The following RYR2 variants were observed in gnomAD, a reference collection of about 807,000 sequenced individuals.
The protein encoded by RYR2 is ryanodine receptor 2, also known as cardiac muscle ryanodine receptor-calcium release channel.
Under a neutral mutation model 601.1 loss-of-function variants are expected in RYR2, and 227 were observed. The ratio of observed to expected loss-of-function variants is 0.38; its 90% CI spans 0.34 to 0.42. The LOEUF (loss-of-function observed/expected upper bound fraction) is 0.42. Ranked by LOEUF, RYR2 falls within the 10% of genes least tolerant of loss-of-function variation. The probability of loss-of-function intolerance (pLI) is 1.00; values close to 1 mark genes in which losing one functional copy is unlikely to be tolerated. For missense variants in RYR2, 4,646 were observed against 6,156.5 expected, an observed-to-expected ratio of 0.75 and a Z score of 8.21; for synonymous variants, 2,223 against 2,175.1, an observed-to-expected ratio of 1.02 and a Z score of -0.61.
At chr1:237,478,897 T>A (rs1661714943) in intron 17 of RYR2, among the ~76,000 whole-genome samples, 1 of 152,094 alleles carries the variant, frequency 6.6e-6, no homozygotes. Context: ...ATGGAATGAG[T>A]GTGCACTGTA....
rs1459529636 is a variant in RYR2 at position 237,767,473 on chromosome 1, T to G, written c.11477-3334T>G. On this transcript the variant is annotated intron_variant, in intron 84 of 104. Transcript: ENST00000366574. ...GAATGTTTTTTGAAGTTTACTGGAATCATACTCTTTACCAGTCGATAGCTA... is the reference window on the plus strand; with the variant it reads ...GAATGTTTTTTGAAGTTTACTGGAAGCATACTCTTTACCAGTCGATAGCTA... 2.6e-5 allele frequency among the ~76,000 whole-genome samples: 4 copies of G among 152,310 alleles called. No individual in the cohort carries two copies. In the East Asian group the frequency reaches 7.7e-4, roughly 29 times the overall value.
chr1:237,735,142 G>A (rs1326653869), intron 79 of RYR2, among the ~76,000 whole-genome samples: 1 of 152,188 alleles, frequency 6.6e-6, no homozygotes, highest in African/African-American at 2.4e-5. Flanking sequence ...GGTAGGGATT[G>A]AAAATCTCCA....
At chr1:237,107,835 T>G (rs1425660530) in intron 1 of RYR2, among the ~76,000 whole-genome samples, 1 of 152,146 alleles carries the variant, frequency 6.6e-6, no homozygotes, top group Non-Finnish European at 1.5e-5. Flanking sequence ...GGCATCCACC[T>G]CCCCTGCACA....
intron 1 of RYR2, among the ~76,000 whole-genome samples, chr1:237,153,486 T>TGG (rs1491459809): frequency 3.9e-5 from 6 of 152,186 alleles, no homozygotes; most frequent in African/African-American, 1.4e-4. Context: ...CGATAATATT[T>TGG]CTATAAAATA....
intron 1 of RYR2, among the ~76,000 whole-genome samples, chr1:237,082,500 GTTATA>G (rs1037070137): frequency 2.5e-5 from 3 of 120,608 alleles, no homozygotes; most frequent in Non-Finnish European, 3.6e-5. Flanking sequence ...AAACCCCTGT[GTTATA>G]TTCTTTCAAA....
intron 24 of RYR2, among the ~76,000 whole-genome samples, chr1:237,512,896 T>G (rs545406098): frequency 1.9e-4 from 29 of 151,968 alleles, no homozygotes; most frequent in African/African-American, 7.0e-4. Flanking sequence ...AAAAATAAAT[T>G]TAAAAGGAGC....
intron 94 of RYR2, 80 bp downstream of exon 94, chr1:237,792,403 G>GCA: frequency 4.8e-5 from 30 of 625,288 alleles, no homozygotes; most frequent in South Asian, 4.4e-4. Flanking sequence ...GTGTGCGTGT[G>GCA]TGTGTGTGTG....
At position 237,654,426 on chromosome 1, in the gene RYR2, G is replaced by A. The variant is rs1274610304; in HGVS notation, c.7965+12G>A. 3 of 1,613,066 alleles carry A rather than the reference G, an allele frequency of 1.9e-6. No homozygotes were observed. The highest frequency in any genetic ancestry group is 2.5e-6 in the Non-Finnish European group (3 of 1,179,302). On this transcript the variant is annotated intron_variant, in intron 52 of 104. Coordinates refer to ENST00000366574, the MANE Select transcript of RYR2 (RefSeq NM_001035.3). ...CCCTGTCTCAAAAGGTAATTTAATG[G>A]TTTGTGGGTTTGTTTGTATCAATAA...
At chr1:237,511,291 T>G (rs2150546700) in intron 23 of RYR2, among the ~76,000 whole-genome samples, 2 of 120,492 alleles carry the variant, frequency 1.7e-5, no homozygotes, top group South Asian at 2.6e-4. Context: ...AGAAGGTGTA[T>G]GGACCAAAAA....
At chr1:237,083,157 C>G (rs1381882256) in intron 1 of RYR2, among the ~76,000 whole-genome samples, 2 of 152,126 alleles carry the variant, frequency 1.3e-5, no homozygotes, top group South Asian at 4.1e-4. Context: ...TATTTGAAGA[C>G]TAGGGAGTAG....
chr1:237,591,921 A>G (rs1327235760), intron 32 of RYR2, 68 bp downstream of exon 32: 1 of 1,020,418 alleles, frequency 9.8e-7, no homozygotes, highest in Non-Finnish European at 1.5e-6. Flanking sequence ...CTCCAGTAAT[A>G]CATACCGATT....
rs542613228 is a variant in RYR2, at chr1:237,822,137, A to G, written c.14590+2945A>G. 2.0e-5 allele frequency among the ~76,000 whole-genome samples: 3 copies of G among 152,298 alleles called. No homozygotes were observed. The South Asian group carries it at 6.2e-4, about 32-fold the overall frequency. On this transcript the variant is annotated intron_variant, in intron 101 of 104. Transcript: ENST00000366574. ...TCCAGGAGAACTTCCCCAACCTAGC[A>G]AGGCAGACCAACATTCAAATTCAGG...
intron 27 of RYR2, among the ~76,000 whole-genome samples, chr1:237,554,476 AT>A (rs755855096): frequency 2.6e-5 from 4 of 151,868 alleles, no homozygotes; most frequent in Non-Finnish European, 5.9e-5. Flanking sequence ...TCTTTGTTAG[AT>A]TTTGATATCA....
At chr1:237,531,232 G>A (rs985313241) in intron 25 of RYR2, among the ~76,000 whole-genome samples, 27 of 152,156 alleles carry the variant, frequency 1.8e-4, no homozygotes, top group African/African-American at 6.3e-4. Context: ...ATTTTAAGAT[G>A]AGAAAATTGA....
chr1:237,644,789 T>A (rs1681951412), intron 48 of RYR2, among the ~76,000 whole-genome samples: 1 of 152,036 alleles, frequency 6.6e-6, no homozygotes, highest in Non-Finnish European at 1.5e-5. Context: ...CCTAGCACTT[T>A]GGGAGGCCAA....
chr1:237,809,037 T>TAA lies in RYR2; in HGVS notation c.14433+3_14433+4dup. 6.2e-7 allele frequency: 1 copy of TAA among 1,612,220 alleles called. No individual in the cohort carries two copies. Among genetic ancestry groups the TAA allele is most frequent in the Non-Finnish European group, 8.5e-7 (1 of 1,178,762 alleles). ...ATGAAATGTGACGATATGCTAACAG[T>TAA]AAGTTCATAACCTTTGATCTCACAT... is the stretch of plus-strand genomic sequence containing the variant. On this transcript the variant is annotated splice_region_variant and intron_variant, in intron 100 of 104. Transcript: ENST00000366574.
At chr1:237,086,310 C>T (rs796217477) in intron 1 of RYR2, among the ~76,000 whole-genome samples, 13 of 152,258 alleles carry the variant, frequency 8.5e-5, no homozygotes, top group African/African-American at 3.1e-4. Flanking sequence ...GTGTCCTAAT[C>T]TCTTCTTCTT....
chr1:237,624,428 G>C (rs1033527366), intron 39 of RYR2, among the ~76,000 whole-genome samples: 3 of 152,158 alleles, frequency 2.0e-5, no homozygotes, highest in African/African-American at 7.2e-5. Flanking sequence ...TCCTGGTGGT[G>C]GTGATGGTTT....
rs751927403 is a variant in RYR2, at chr1:237,237,982, C to CTTTCCTTTCCTTTCCTTTCT, written c.49-32510_49-32509insTTTCCTTTCCTTTCTTTTCC. 1.7e-3 allele frequency among the ~76,000 whole-genome samples: 242 copies of CTTTCCTTTCCTTTCCTTTCT among 144,080 alleles called. 5 individuals are homozygous for CTTTCCTTTCCTTTCCTTTCT. Among genetic ancestry groups the CTTTCCTTTCCTTTCCTTTCT allele is most frequent in the South Asian group, 6.6e-3 (29 of 4,390 alleles). The allele number at this position is 144,080 out of a possible 152,430, so 94.5% of individuals were successfully genotyped here. A position where few individuals can be genotyped will look rare whatever the true frequency, so the allele number is the denominator to read the frequency against. On this transcript the variant is annotated intron_variant, in intron 1 of 104. Transcript: ENST00000366574. The stretch of plus-strand genomic sequence containing the variant: ...CTTTCCTTTCCTTTCCTTTCCTTTC[C>CTTTCCTTTCCTTTCCTTTCT]TTTCCAACAGGGTTTTATTCTGTCA...
Sources: allele counts gnomAD v4.1 joint callset (sites outside exome capture counted in the v4.1 genomes callset), GRCh38; gene constraint gnomAD v4.1.1; transcripts MANE v1.5; gene names NCBI Gene and HGNC (gene_info 2026-07-23, HGNC 2026-07-21).